The following PLCXD3 variants were observed in gnomAD, a reference collection of about 807,000 sequenced individuals.
PLCXD3 encodes phosphatidylinositol specific phospholipase C X domain containing 3.
A neutral mutation model predicts 25.5 loss-of-function variants in PLCXD3; 19 were observed. That is an observed-to-expected ratio of 0.75 (90% CI 0.52 to 1.09). The LOEUF (loss-of-function observed/expected upper bound fraction) is 1.09, where lower values mean the gene tolerates loss of function less well. Among genes scored for constraint, PLCXD3 ranks in the 50% least tolerant of loss-of-function variants. The pLI, the probability that PLCXD3 is intolerant of heterozygous loss-of-function variation, is 0.00. For missense variants in PLCXD3, 411 were observed against 388.1 expected, an observed-to-expected ratio of 1.06 and a Z score of -0.50; for synonymous variants, 174 against 137.6, an observed-to-expected ratio of 1.26 and a Z score of -1.85.
chr5:41,340,252 C>T lies in PLCXD3; in HGVS notation c.813-26482G>A, dbSNP rs536355623. On this transcript the variant is annotated intron_variant, in intron 2 of 2. Coordinates refer to ENST00000377801, the MANE Select transcript of PLCXD3 (RefSeq NM_001005473.3). Reference sequence around the variant, plus strand: ...CATTTTTCTACACTGAATTTTGCAACTCACTGCACGTAGTGTCCCTAAAAA... The same window carrying T: ...CATTTTTCTACACTGAATTTTGCAATTCACTGCACGTAGTGTCCCTAAAAA... 2.6e-5 allele frequency among the ~76,000 whole-genome samples: 4 copies of T among 152,250 alleles called. No individual in the cohort carries two copies. In the South Asian group the frequency reaches 8.3e-4, roughly 32 times the overall value.
At chr5:41,319,308 A>G (rs1361390878) in intron 2 of PLCXD3, among the ~76,000 whole-genome samples, 12 of 152,324 alleles carry the variant, frequency 7.9e-5, no homozygotes, top group African/African-American at 2.6e-4. Flanking sequence ...TTCAGGATAC[A>G]CATTTTTTTC....
At chr5:41,439,296 T>C (rs1355902282) in intron 1 of PLCXD3, among the ~76,000 whole-genome samples, 1 of 152,214 alleles carries the variant, frequency 6.6e-6, no homozygotes, top group Non-Finnish European at 1.5e-5. Context: ...CCAACATTTA[T>C]TTTTCTCCTT....
chr5:41,460,455 G>A (rs1357019796), intron 1 of PLCXD3, among the ~76,000 whole-genome samples: 1 of 151,654 alleles, frequency 6.6e-6, no homozygotes, highest in Non-Finnish European at 1.5e-5. Flanking sequence ...AGAAACTTTA[G>A]AGTGAGGGCT....
intron 1 of PLCXD3, among the ~76,000 whole-genome samples, chr5:41,385,351 C>T (rs1745604879): frequency 6.6e-6 from 1 of 152,062 alleles, no homozygotes; most frequent in African/African-American, 2.4e-5. Context: ...TAATGTTACT[C>T]CTCTGATGTT....
chr5:41,359,031 C>A (rs189132131), intron 2 of PLCXD3, among the ~76,000 whole-genome samples: 1 of 152,136 alleles, frequency 6.6e-6, no homozygotes, highest in South Asian at 2.1e-4. Context: ...TATTGACTTG[C>A]ATATGTTAAA....
chr5:41,412,445 T>G (rs572949893), intron 1 of PLCXD3, among the ~76,000 whole-genome samples: 1 of 152,330 alleles, frequency 6.6e-6, no homozygotes, highest in Non-Finnish European at 1.5e-5. Context: ...TATTAGGAGG[T>G]GACTTACACC....
At chr5:41,439,318 C>T (rs924894047) in intron 1 of PLCXD3, among the ~76,000 whole-genome samples, 1 of 152,204 alleles carries the variant, frequency 6.6e-6, no homozygotes, top group Non-Finnish European at 1.5e-5. Flanking sequence ...CAACTTAGTA[C>T]TAGAACCTTG....
intron 1 of PLCXD3, among the ~76,000 whole-genome samples, chr5:41,394,884 T>C (rs1413340317): frequency 6.6e-6 from 1 of 152,132 alleles, no homozygotes; most frequent in Non-Finnish European, 1.5e-5. Flanking sequence ...AGCTGAAGAC[T>C]TTAACACCAC....
At chr5:41,471,818 GTCCCC>G (rs1410999961) in intron 1 of PLCXD3, among the ~76,000 whole-genome samples, 4 of 23,466 alleles carry the variant, frequency 1.7e-4, no homozygotes, top group African/African-American at 9.5e-4. Flanking sequence ...CTCCCCTCCC[GTCCCC>G]TCCCCTCCCC....
intron 1 of PLCXD3, among the ~76,000 whole-genome samples, chr5:41,490,673 G>A (rs1392356495): frequency 2.0e-5 from 3 of 152,150 alleles, no homozygotes; most frequent in Non-Finnish European, 4.4e-5. Context: ...GAGGGTGTAT[G>A]TGTCGAGGAA....
At chr5:41,458,519 T>G (rs996960768) in intron 1 of PLCXD3, among the ~76,000 whole-genome samples, 1 of 151,938 alleles carries the variant, frequency 6.6e-6, no homozygotes, top group Non-Finnish European at 1.5e-5. Context: ...GTTAAATTAT[T>G]TTCATTCAAT....
At chr5:41,428,975 C>T (rs1747031142) in intron 1 of PLCXD3, among the ~76,000 whole-genome samples, 1 of 152,052 alleles carries the variant, frequency 6.6e-6, no homozygotes, top group Admixed American at 6.6e-5. Context: ...AGTCAGACTA[C>T]GGACTGACTT....
At chr5:41,356,176 T>A (rs1380599807) in intron 2 of PLCXD3, among the ~76,000 whole-genome samples, 2 of 152,034 alleles carry the variant, frequency 1.3e-5, no homozygotes, top group Non-Finnish European at 2.9e-5. Context: ...TGAGGCCAGA[T>A]AATTGCTTGA....
chr5:41,390,075 C>T (rs925452224), intron 1 of PLCXD3, among the ~76,000 whole-genome samples: 1 of 152,246 alleles, frequency 6.6e-6, no homozygotes, highest in African/African-American at 2.4e-5. Context: ...TTTGACTTCT[C>T]TATAATTCCA....
At chr5:41,451,646 T>C (rs960427078) in intron 1 of PLCXD3, among the ~76,000 whole-genome samples, 1 of 151,932 alleles carries the variant, frequency 6.6e-6, no homozygotes, top group African/African-American at 2.4e-5. Context: ...TCTCTCTTTT[T>C]TTTTTTTATG....
intron 1 of PLCXD3, among the ~76,000 whole-genome samples, chr5:41,412,334 T>C (rs1746573559): frequency 1.7e-5 from 1 of 57,926 alleles, no homozygotes; most frequent in Non-Finnish European, 3.5e-5. Context: ...ACAATTCCTT[T>C]ATAAGTATGT....
At chr5:41,495,996 C>G (rs1187122765) in intron 1 of PLCXD3, among the ~76,000 whole-genome samples, 2 of 151,766 alleles carry the variant, frequency 1.3e-5, no homozygotes, top group Non-Finnish European at 2.9e-5. Flanking sequence ...ACAATATATA[C>G]AAAAAATAAA....
intron 2 of PLCXD3, among the ~76,000 whole-genome samples, chr5:41,321,105 C>T (rs1435504831): frequency 3.9e-5 from 6 of 152,168 alleles, no homozygotes; most frequent in Admixed American, 6.5e-5. Context: ...CTAGACCAAT[C>T]AGACCAGAGA....
At chr5:41,369,730 C>T (rs1362958251) in intron 2 of PLCXD3, among the ~76,000 whole-genome samples, 1 of 152,132 alleles carries the variant, frequency 6.6e-6, no homozygotes, top group South Asian at 2.1e-4. Flanking sequence ...TCACCCAGCT[C>T]GGCCTCCCAA....
Sources: allele counts gnomAD v4.1 joint callset (sites outside exome capture counted in the v4.1 genomes callset), GRCh38; gene constraint gnomAD v4.1.1; transcripts MANE v1.5; gene names NCBI Gene and HGNC (gene_info 2026-07-23, HGNC 2026-07-21).